NIM1K: variants seen among roughly 807,000 people sequenced by gnomAD.
The protein encoded by NIM1K is serine/threonine-protein kinase NIM1.
In NIM1K, 35 loss-of-function variants were observed where a neutral mutation model predicts 37.1. That is an observed-to-expected ratio of 0.94 (90% confidence interval 0.72 to 1.25). The LOEUF (loss-of-function observed/expected upper bound fraction) is 1.25. NIM1K is among the 50% of genes most tolerant of loss of function. NIM1K has a pLI of 0.00. For synonymous variants in NIM1K, 234 were observed against 206.6 expected, an observed-to-expected ratio of 1.13 and a Z score of -1.14; for missense variants, 564 against 548.0, an observed-to-expected ratio of 1.03 and a Z score of -0.29.
At chr5:43,246,566 G>A (rs146429550) in intron 2 of NIM1K, among the ~76,000 whole-genome samples, 2 of 151,940 alleles carry the variant, frequency 1.3e-5, no homozygotes, top group East Asian at 1.9e-4. Context: ...GATGGGCGCT[G>A]TCTCTGGATA....
intron 2 of NIM1K, among the ~76,000 whole-genome samples, chr5:43,267,091 TTGC>T (rs1753173671): frequency 6.6e-6 from 1 of 152,202 alleles, no homozygotes; most frequent in Admixed American, 6.5e-5. Context: ...GGCTTTTTTG[TTGC>T]TGGCAATTTC....
chr5:43,245,684 GTCC>G lies in NIM1K; in HGVS notation c.-89_-87del. 1 of 1,258,912 alleles carries G rather than the reference GTCC, an allele frequency of 7.9e-7. No homozygotes were observed. 78.0% of individuals were successfully genotyped at this position (1,258,912 alleles called of 1,614,324 possible). A position where few individuals can be genotyped will look rare whatever the true frequency, so the allele number is the denominator to read the frequency against. On this transcript the variant is annotated 5_prime_UTR_variant, in exon 2 of 4. Transcript: ENST00000326035. The stretch of plus-strand genomic sequence containing the variant: ...CTCTTTTGAACCCTGGGCACCTGCT[GTCC>G]TCAGTTGGCATCTCCCACCCTCTGA...
At chr5:43,199,727 A>G (rs71627588) in intron 1 of NIM1K, among the ~76,000 whole-genome samples, 8,784 of 141,248 alleles carry the variant, frequency 0.062, 365 homozygotes, top group East Asian at 0.21. Context: ...AGCTACTATA[A>G]CAGAAGGCAA....
At chr5:43,217,892 A>T (rs1752325711) in intron 1 of NIM1K, among the ~76,000 whole-genome samples, 1 of 151,442 alleles carries the variant, frequency 6.6e-6, no homozygotes, top group Non-Finnish European at 1.5e-5. Flanking sequence ...TTGTATTTTT[A>T]GTGGAGACAG....
At chr5:43,228,600 A>G (rs1752493595) in intron 1 of NIM1K, among the ~76,000 whole-genome samples, 1 of 151,684 alleles carries the variant, frequency 6.6e-6, no homozygotes, top group African/African-American at 2.4e-5. Flanking sequence ...TGAGGCAGGC[A>G]GATCGCTTGA....
chr5:43,198,561 G>A (rs926258191), intron 1 of NIM1K, among the ~76,000 whole-genome samples: 1 of 151,090 alleles, frequency 6.6e-6, no homozygotes, highest in Non-Finnish European at 1.5e-5. Context: ...TTACTGAAAA[G>A]CCAAACCTTT....
At chr5:43,198,378 T>TCCTC (rs201564884) in intron 1 of NIM1K, among the ~76,000 whole-genome samples, 1 of 149,392 alleles carries the variant, frequency 6.7e-6, no homozygotes, top group African/African-American at 2.5e-5. Context: ...CTCTCCCCCT[T>TCCTC]CCTCCCTCCC....
chr5:43,198,201 TTCTTTCTC>T (rs1276167171), intron 1 of NIM1K, among the ~76,000 whole-genome samples: 11 of 54,844 alleles, frequency 2.0e-4, no homozygotes, highest in South Asian at 1.4e-3. Context: ...CTTTCTTTCT[TTCTTTCTC>T]TTTCTTTCTT....
chr5:43,193,949 C>T (rs1339594858), intron 1 of NIM1K, among the ~76,000 whole-genome samples: 1 of 152,068 alleles, frequency 6.6e-6, no homozygotes, highest in Non-Finnish European at 1.5e-5. Flanking sequence ...TTACTTTTTC[C>T]CTTAAAGTAC....
At position 43,213,275 on chromosome 5, in the gene NIM1K, TTC is replaced by T. The variant is rs1178080431; in HGVS notation, c.-695+20866_-695+20867del. Among the ~76,000 whole-genome samples, 282 of 145,148 alleles carry T rather than the reference TTC, an allele frequency of 1.9e-3. 17 individuals carry two copies. The highest frequency in any genetic ancestry group is 5.7e-3 in the African/African-American group (210 of 37,144). On this transcript the variant is annotated intron_variant, in intron 1 of 3. Transcript: ENST00000326035. ...CTTGTTCTTTCTTGTTTCTTTTTCT[TTC>T]TTGTTTCCTTTCCTTTTCTTTTCTT...
intron 2 of NIM1K, among the ~76,000 whole-genome samples, chr5:43,251,912 G>A (rs1369628339): frequency 6.6e-6 from 1 of 152,026 alleles, no homozygotes; most frequent in Non-Finnish European, 1.5e-5. Flanking sequence ...TTGAGTCAAG[G>A]GCATGCCCGT....
At chr5:43,266,031 C>T (rs1368144673) in intron 2 of NIM1K, among the ~76,000 whole-genome samples, 3 of 152,208 alleles carry the variant, frequency 2.0e-5, no homozygotes, top group Non-Finnish European at 2.9e-5. Context: ...ATCAGTCGGC[C>T]CCTACTGGGA....
chr5:43,197,161 C>G (rs1172399580), intron 1 of NIM1K, among the ~76,000 whole-genome samples: 1 of 151,734 alleles, frequency 6.6e-6, no homozygotes, highest in African/African-American at 2.4e-5. Flanking sequence ...GAGGCAGGAT[C>G]TCACTCACCT....
chr5:43,280,218 G>A lies in NIM1K; in HGVS notation c.800G>A (p.Gly267Asp). The change falls in exon 4 of 4, where the codon GGC (glycine) becomes GAC (aspartate). Residue 267 changes from glycine (G) to aspartate (D), a missense_variant. Transcript: ENST00000326035. ...GTGCTTTTGTACTTCATGGTGACTG[G>A]CACCATGCCATTTCGGGCAGAAACC... ...LGVLLYFMVT[G>D]TMPFRAETVA... 1 of 1,614,100 alleles carries A rather than the reference G, an allele frequency of 6.2e-7. No individual in the cohort carries two copies. The highest frequency in any genetic ancestry group is 8.5e-7 in the Non-Finnish European group (1 of 1,180,020).
chr5:43,269,853 C>T lies in NIM1K; in HGVS notation c.293-7204C>T, dbSNP rs181032309. Among the ~76,000 whole-genome samples the T allele has an allele frequency of 1.6e-4, 24 of 152,168 alleles. No individual in the cohort carries two copies. The Middle Eastern group carries it at 0.024, about 152-fold the overall frequency. The stretch of plus-strand genomic sequence containing the variant: ...CAGGATGGTCTCGATCTCCTGACCT[C>T]GTGATCCACCCCCCTTGGCCTCCCA... On this transcript the variant is annotated intron_variant, in intron 2 of 3. Transcript: ENST00000326035.
Position 43,200,914 on chromosome 5 carries a change from A to G in NIM1K, c.-695+8503A>G, listed in dbSNP as rs185720929. ...GCCGAGTCGGGTGGATCATGGGGTC[A>G]GGAGTTCAAGACCAGCCTGGCCAAG... On this transcript the variant is annotated intron_variant, in intron 1 of 3. Transcript: ENST00000326035. Among the ~76,000 whole-genome samples, 131 of 152,120 alleles carry G rather than the reference A, an allele frequency of 8.6e-4. No individual in the cohort carries two copies. In the East Asian group the frequency reaches 0.023, roughly 26 times the overall value.
intron 1 of NIM1K, among the ~76,000 whole-genome samples, chr5:43,225,086 A>G (rs1343970884): frequency 6.6e-6 from 1 of 152,142 alleles, no homozygotes; most frequent in Non-Finnish European, 1.5e-5. Flanking sequence ...CAGAAATAAC[A>G]TTGATTAGCG....
chr5:43,264,735 G>T (rs1174509854), intron 2 of NIM1K, among the ~76,000 whole-genome samples: 1 of 152,098 alleles, frequency 6.6e-6, no homozygotes, highest in Non-Finnish European at 1.5e-5. Context: ...TTACAATTTG[G>T]CATGTTTTTG....
intron 1 of NIM1K, chr5:43,206,745 G>A (rs556060320): frequency 1.7e-5 from 13 of 748,842 alleles, no homozygotes; most frequent in South Asian, 1.7e-4. Context: ...CTTCATGCTT[G>A]GCACCAAAGC....
Sources: allele counts gnomAD v4.1 joint callset (sites outside exome capture counted in the v4.1 genomes callset), GRCh38; gene constraint gnomAD v4.1.1; transcripts MANE v1.5; gene names NCBI Gene and HGNC (gene_info 2026-07-23, HGNC 2026-07-21).